The following PCNT variants were observed in gnomAD, a reference collection of about 807,000 sequenced individuals.
The protein encoded by PCNT is pericentrin, also known as kendrin.
A neutral mutation model predicts 380.4 loss-of-function variants in PCNT; 319 were observed. The ratio of observed to expected loss-of-function variants is 0.84; its 90% confidence interval spans 0.77 to 0.92. The LOEUF is 0.92. PCNT is among the 40% of genes least tolerant of loss of function. PCNT has a pLI of 0.00. For synonymous variants in PCNT, 1,845 were observed against 1,735.2 expected (o/e 1.06, Z -1.57); for missense variants, 4,400 against 4,255.3 (o/e 1.03, Z -0.95).
intron 1 of PCNT, chr21:46,325,165 C>T (rs1226034404): frequency 2.0e-6 from 2 of 985,640 alleles, no homozygotes; most frequent in Non-Finnish European, 2.4e-6. Flanking sequence ...AAAGGGAGTC[C>T]CGAAAGCGCG....
intron 35 of PCNT, among the ~76,000 whole-genome samples, chr21:46,428,838 C>CT: frequency 6.6e-6 from 1 of 152,180 alleles, no homozygotes; most frequent in Non-Finnish European, 1.5e-5. Context: ...GGGTTGGGCT[C>CT]TGAGTGCTGG....
intron 30 of PCNT, among the ~76,000 whole-genome samples, chr21:46,417,184 CT>C (rs71318076): frequency 0.013 from 948 of 73,270 alleles, 1 homozygote; most frequent in Non-Finnish European, 0.018. Flanking sequence ...GGAATGCTTC[CT>C]TTTTTTTTTT....
At chr21:46,360,539 G>C (rs71326323) in intron 13 of PCNT, among the ~76,000 whole-genome samples, 4 of 82,258 alleles carry the variant, frequency 4.9e-5, no homozygotes, top group African/African-American at 2.0e-4. Context: ...TTTTTTCTGA[G>C]ACGGAATATT....
At chr21:46,409,187 T>G (rs1326493728) in intron 27 of PCNT, among the ~76,000 whole-genome samples, 1 of 132,450 alleles carries the variant, frequency 7.6e-6, no homozygotes, top group Non-Finnish European at 1.7e-5. Context: ...GCAAAACTTT[T>G]TACTTTTTTT....
In PCNT at chr21:46,366,869, G is replaced by C; in HGVS notation, c.2895G>C (p.Leu965=). ...ADLGALETRH[L]SSLDSLESCY... is the part of the protein sequence containing the mutation. Reference sequence around the variant, plus strand: ...TCGGCGCTCTGGAGACCAGACATCTGTCCAGCCTTGATTCTTTGGAATCCT... The same window carrying C: ...TCGGCGCTCTGGAGACCAGACATCTCTCCAGCCTTGATTCTTTGGAATCCT... The change falls in exon 15 of 47, where the codon CTG becomes CTC. Residue 965 remains leucine, a synonymous_variant. Coordinates refer to ENST00000359568, the MANE Select transcript of PCNT (RefSeq NM_006031.6). The C allele has an allele frequency of 6.2e-7, 1 of 1,614,124 alleles. No individual in the cohort carries two copies. The highest frequency in any genetic ancestry group is 8.5e-7 in the Non-Finnish European group (1 of 1,180,046).
chr21:46,356,847 G>T, intron 12 of PCNT, 127 bp from the exon 13 acceptor site: 1 of 783,288 alleles, frequency 1.3e-6, no homozygotes. Flanking sequence ...AGTCAGCACA[G>T]AGCTTGAAAA....
chr21:46,411,716 C>T lies in PCNT; in HGVS notation c.5643C>T (p.Asn1881=). ...AERNLEIDAL[N]QRKAAHSAEL... is the part of the protein sequence containing the mutation. Reference sequence around the variant, plus strand: ...GAAATTTAGAAATCGACGCTCTGAACCAGCGGAAGGCGGCCCACTCTGCCG... The same window carrying T: ...GAAATTTAGAAATCGACGCTCTGAATCAGCGGAAGGCGGCCCACTCTGCCG... Residue 1881 remains asparagine, a synonymous_variant, in exon 28 of 47, where the codon AAC becomes AAT. Transcript: ENST00000359568. 1 of 1,612,584 alleles carries T rather than the reference C, an allele frequency of 6.2e-7. No homozygotes were observed. The highest frequency in any genetic ancestry group is 8.5e-7 in the Non-Finnish European group (1 of 1,179,854).
chr21:46,340,107 G>A (rs1426377846), intron 3 of PCNT, among the ~76,000 whole-genome samples: 1 of 152,178 alleles, frequency 6.6e-6, no homozygotes, highest in African/African-American at 2.4e-5. Flanking sequence ...ATGGTGGAAG[G>A]CAAGGAGGAC....
intron 27 of PCNT, among the ~76,000 whole-genome samples, chr21:46,407,089 A>G (rs2086641830): frequency 1.3e-5 from 2 of 152,050 alleles, no homozygotes; most frequent in South Asian, 4.1e-4. Flanking sequence ...TAGATTGGGA[A>G]TTTTTTCACT....
intron 15 of PCNT, among the ~76,000 whole-genome samples, chr21:46,373,890 T>C: frequency 6.6e-6 from 1 of 151,956 alleles, no homozygotes; most frequent in Non-Finnish European, 1.5e-5. Flanking sequence ...CCACCACGCC[T>C]GGCTAATTTT....
rs1405352726 is a variant in PCNT, at chr21:46,411,883, A to G, written c.5810A>G (p.His1937Arg). 7 of 1,573,794 alleles carry G rather than the reference A, an allele frequency of 4.4e-6. No individual in the cohort carries two copies. The highest frequency in any genetic ancestry group is 6.0e-6 in the Non-Finnish European group (7 of 1,167,490). Reference protein sequence around the residue: ...ARLSRQLQVLHQRFLRCQVEL... With the variant: ...ARLSRQLQVLRQRFLRCQVEL... ...CTCAGCCGCCAGCTGCAGGTGCTGC[A>G]CCAGCGGTTCCTGAGGTGCCAGGTG... The change falls in exon 28 of 47, where the codon CAC (histidine) becomes CGC (arginine). Residue 1937 changes from histidine to arginine, a missense_variant. His to Arg is a conservative substitution (Grantham distance 29). Coordinates refer to ENST00000359568, the MANE Select transcript of PCNT (RefSeq NM_006031.6).
At chr21:46,338,831 A>G (rs2083833231) in intron 3 of PCNT, among the ~76,000 whole-genome samples, 1 of 151,894 alleles carries the variant, frequency 6.6e-6, no homozygotes. Context: ...CCCAGCCTAG[A>G]GTGCAGTGGC....
At chr21:46,418,632 C>T (rs958516113) in intron 31 of PCNT, among the ~76,000 whole-genome samples, 3 of 152,266 alleles carry the variant, frequency 2.0e-5, no homozygotes, top group African/African-American at 4.8e-5. Flanking sequence ...GGAAAAGACA[C>T]CCCAGCTCAC....
intron 29 of PCNT, among the ~76,000 whole-genome samples, chr21:46,413,996 T>TTC (rs1241289549): frequency 5.7e-5 from 1 of 17,528 alleles, no homozygotes; most frequent in Non-Finnish European, 1.1e-4. Flanking sequence ...TTTTCTCTCT[T>TTC]TTTTTTTTTT....
chr21:46,397,405 T>C lies in PCNT; in HGVS notation c.4357T>C (p.Cys1453Arg), dbSNP rs1410489634. The C allele has an allele frequency of 6.2e-7, 1 of 1,607,480 alleles. No homozygotes were observed. The highest frequency in any genetic ancestry group is 1.1e-5 in the South Asian group (1 of 90,946). ...AGAACAGCTGTCTCAGCATCGCGGG[T>C]GTGCCAAGCAGGCGGAGGCCGTCAC... ...LEEQLSQHRG[C>R]AKQAEAVTAL... The change falls in exon 22 of 47, where the codon TGT becomes CGT. Residue 1453 changes from cysteine (C) to arginine (R), a missense_variant. Transcript: ENST00000359568.
chr21:46,409,969 G>GAT (rs1299003593), intron 27 of PCNT, among the ~76,000 whole-genome samples: 1 of 152,232 alleles, frequency 6.6e-6, no homozygotes, highest in Non-Finnish European at 1.5e-5. Context: ...ATTTTAACGT[G>GAT]ATATATGCGT....
In PCNT at chr21:46,383,036, A is replaced by G. The variant is rs578157903; in HGVS notation, c.3312+1196A>G. Among the ~76,000 whole-genome samples the G allele has an allele frequency of 2.4e-3, 337 of 139,350 alleles. 2 individuals are homozygous for G. Among genetic ancestry groups the G allele is most frequent in the African/African-American group, 8.7e-3 (302 of 34,814 alleles). The allele number at this position is 139,350 out of a possible 152,430, so 91.4% of individuals were successfully genotyped here. A position where few individuals can be genotyped will look rare whatever the true frequency, so the allele number is the denominator to read the frequency against. Reference sequence around the variant, plus strand: ...CATTCAGTGGCGGAAGCCCATTCACAGTGCTGCGCATTCAGCAGCGGAAGC... The same window carrying G: ...CATTCAGTGGCGGAAGCCCATTCACGGTGCTGCGCATTCAGCAGCGGAAGC... On this transcript the variant is annotated intron_variant, in intron 16 of 46. Coordinates refer to ENST00000359568, the MANE Select transcript of PCNT (RefSeq NM_006031.6).
chr21:46,355,433 C>T lies in PCNT; in HGVS notation c.1762-19C>T. The T allele has an allele frequency of 6.2e-7, 1 of 1,612,594 alleles. No homozygotes were observed. Among genetic ancestry groups the T allele is most frequent in the Non-Finnish European group, 8.5e-7 (1 of 1,179,680 alleles). On this transcript the variant is annotated intron_variant, in intron 11 of 46. Coordinates refer to ENST00000359568, the MANE Select transcript of PCNT (RefSeq NM_006031.6). ...AGCTTGGCTCACTAACGTGCTTGTC[C>T]CACGTGGTTTCTCTGTAGGAGAGCC...
At chr21:46,364,038 C>T (rs1470275939) in intron 14 of PCNT, 104 bp downstream of exon 14, 9 of 1,039,488 alleles carry the variant, frequency 8.7e-6, no homozygotes, top group South Asian at 4.0e-5. Flanking sequence ...CTCCACTGGG[C>T]GAAAAGGTCT....
Sources: gnomAD v4.1 joint callset for allele counts (sites outside exome capture counted in the v4.1 genomes callset) on GRCh38, gnomAD v4.1.1 for gene constraint, MANE v1.5 for transcripts, NCBI Gene and HGNC (gene_info 2026-07-23, HGNC 2026-07-21) for gene names.